The following SYTL5 variants were observed in gnomAD, a reference collection of about 807,000 sequenced individuals.
The protein encoded by SYTL5 is synaptotagmin-like protein 5.
Under a neutral mutation model 55.9 loss-of-function variants are expected in SYTL5, and 34 were observed. That is an observed-to-expected ratio of 0.61 (90% confidence interval 0.46 to 0.81). SYTL5 has a LOEUF of 0.81. SYTL5 is among the 30% of genes least tolerant of loss of function. The probability of loss-of-function intolerance (pLI) is 0.00; values close to 1 mark genes in which losing one functional copy is unlikely to be tolerated. For synonymous variants in SYTL5, 221 were observed against 188.7 expected (o/e 1.17, Z -1.40); for missense variants, 637 against 546.7 (o/e 1.17, Z -1.65).
At chrX:37,938,395 G>C in the SYTL5 span, among the ~76,000 whole-genome samples, 1 of 112,043 alleles carries the variant, frequency 8.9e-6, no homozygotes, top group African/African-American at 3.2e-5. Flanking sequence ...ATCAACTTGT[G>C]GCTGGCTTTA....
intron 1 of SYTL5, among the ~76,000 whole-genome samples, chrX:38,024,253 T>C (rs887396507): frequency 2.7e-5 from 3 of 109,609 alleles, no homozygotes; most frequent in African/African-American, 1.0e-4. Flanking sequence ...GTTCTGGTGA[T>C]AGTGAATAAG....
chrX:38,035,475 C>T (rs1338049944), intron 2 of SYTL5, among the ~76,000 whole-genome samples: 1 of 110,328 alleles, frequency 9.1e-6, no homozygotes, highest in Non-Finnish European at 1.9e-5. Context: ...CCTGTAGTCC[C>T]AGCTACTCAG....
chrX:38,117,110 G>A (rs766044567), intron 13 of SYTL5, among the ~76,000 whole-genome samples: 7 of 112,119 alleles, frequency 6.2e-5, no homozygotes, highest in Non-Finnish European at 1.3e-4. Flanking sequence ...CTGAGTAATA[G>A]TGGGTTGGAT....
At position 38,076,653 on chromosome X, in the gene SYTL5, T is replaced by TA. The variant is rs769879135; in HGVS notation, c.642dup (p.Asp215ArgfsTer26). On this transcript the variant is annotated frameshift_variant, in exon 6 of 17. Transcript: ENST00000297875. LOFTEE classifies it high-confidence loss of function. ...ACTGGGCGGAGCTATAGCTTGGACT[T>TA]AGACGGTCAACATTTTCGGAGTTTA... 9 of 1,209,229 alleles carry TA rather than the reference T, an allele frequency of 7.4e-6. No homozygotes were observed. Among genetic ancestry groups the TA allele is most frequent in the Non-Finnish European group, 1.0e-5 (9 of 894,655 alleles).
At chrX:37,947,610 A>G in the SYTL5 span, among the ~76,000 whole-genome samples, 2 of 111,952 alleles carry the variant, frequency 1.8e-5, no homozygotes, top group Non-Finnish European at 3.8e-5. Flanking sequence ...AAAATGGACT[A>G]ATACACCATC....
upstream of SYTL5, among the ~76,000 whole-genome samples, chrX:38,006,422 C>T (rs1465358100): frequency 3.6e-5 from 4 of 111,757 alleles, no homozygotes; most frequent in Non-Finnish European, 7.6e-5. Context: ...TCAACAGAGA[C>T]ATTCCTTTTT....
At chrX:38,094,803 A>C (rs948007125) in intron 8 of SYTL5, among the ~76,000 whole-genome samples, 1 of 111,857 alleles carries the variant, frequency 8.9e-6, no homozygotes, top group African/African-American at 3.2e-5. Context: ...TAGTAGTCAG[A>C]AGTTCCCTAC....
At chrX:38,017,425 T>C (rs760055926) in intron 1 of SYTL5, among the ~76,000 whole-genome samples, 3 of 111,217 alleles carry the variant, frequency 2.7e-5, no homozygotes, top group Non-Finnish European at 5.7e-5. Context: ...TACTTGATTG[T>C]TTAGTTGAAA....
At chrX:37,983,392 A>T in the SYTL5 span, among the ~76,000 whole-genome samples, 2 of 112,259 alleles carry the variant, frequency 1.8e-5, no homozygotes, top group African/African-American at 6.5e-5. Context: ...TATTAATGTC[A>T]TAGAAAACAT....
At chrX:38,088,832 T>C (rs1936723357) in intron 6 of SYTL5, among the ~76,000 whole-genome samples, 1 of 112,483 alleles carries the variant, frequency 8.9e-6, no homozygotes, top group South Asian at 3.7e-4. Context: ...GCATGGACTC[T>C]GTTCCCAAGG....
At position 38,125,331 on chromosome X, in the gene SYTL5, G is replaced by T; in HGVS notation, c.1875G>T (p.Lys625Asn). 8.3e-7 allele frequency: 1 copy of T among 1,211,546 alleles called. No individual in the cohort carries two copies. Among genetic ancestry groups the T allele is most frequent in the South Asian group, 1.8e-5 (1 of 56,954 alleles). ...TCCCTGATGATAGCAAAGCCACCAAGCACAAAACTCTGGTAATAAAAAAGA... is the reference window on the plus strand; with the variant it reads ...TCCCTGATGATAGCAAAGCCACCAATCACAAAACTCTGGTAATAAAAAAGA... ...YLLPDDSKATKHKTLVIKKSV... is the reference protein window; with the variant it reads ...YLLPDDSKATNHKTLVIKKSV... Residue 625 changes from lysine to asparagine, a missense_variant, in exon 16 of 17, where the codon AAG becomes AAT. Lys to Asn is a moderately conservative substitution (Grantham distance 94). Coordinates refer to ENST00000297875, the MANE Select transcript of SYTL5 (RefSeq NM_138780.3).
the SYTL5 span, among the ~76,000 whole-genome samples, chrX:37,935,681 T>G: frequency 1.8e-3 from 197 of 112,163 alleles, 4 homozygotes; most frequent in Admixed American, 0.018. Flanking sequence ...TTGAGCCAGT[T>G]TGTTTTAAGT....
At chrX:37,996,203 G>A in the SYTL5 span, among the ~76,000 whole-genome samples, 1 of 111,744 alleles carries the variant, frequency 8.9e-6, no homozygotes, top group Non-Finnish European at 1.9e-5. Context: ...GGGTTTCAGA[G>A]GAATCGTGGG....
chrX:38,037,824 AG>A (rs768069545), intron 2 of SYTL5, among the ~76,000 whole-genome samples: 3 of 79,501 alleles, frequency 3.8e-5, no homozygotes, highest in Non-Finnish European at 9.5e-5. Flanking sequence ...ATAGATAGAT[AG>A]ATAGATAGAT....
At chrX:38,053,707 A>C (rs1410367712) in intron 2 of SYTL5, among the ~76,000 whole-genome samples, 1 of 111,951 alleles carries the variant, frequency 8.9e-6, no homozygotes, top group African/African-American at 3.2e-5. Flanking sequence ...TCCTGCCTCA[A>C]GTAGTATATA....
intron 2 of SYTL5, among the ~76,000 whole-genome samples, chrX:38,046,007 T>A (rs1034527848): frequency 1.8e-5 from 2 of 111,733 alleles, no homozygotes; most frequent in African/African-American, 6.5e-5. Context: ...GAAACAACAG[T>A]CATGAATAAA....
At chrX:38,101,573 G>A (rs986700479) in intron 9 of SYTL5, among the ~76,000 whole-genome samples, 6 of 110,128 alleles carry the variant, frequency 5.4e-5, no homozygotes, top group African/African-American at 2.0e-4. Context: ...GGAAGGAGGA[G>A]AGGAGAAGCA....
chrX:37,923,216 C>G, the SYTL5 span, among the ~76,000 whole-genome samples: 1 of 112,150 alleles, frequency 8.9e-6, no homozygotes, highest in Non-Finnish European at 1.9e-5. Context: ...TTCTTTTCCT[C>G]TATGCCAGAA....
At chrX:37,963,288 GGT>G in the SYTL5 span, among the ~76,000 whole-genome samples, 2 of 86,260 alleles carry the variant, frequency 2.3e-5, no homozygotes, top group Admixed American at 2.9e-4. Context: ...TGTTTTTGTG[GGT>G]TTTTTTTTTT....
Sources: allele counts gnomAD v4.1 joint callset (sites outside exome capture counted in the v4.1 genomes callset), GRCh38; gene constraint gnomAD v4.1.1; transcripts MANE v1.5; gene names NCBI Gene and HGNC (gene_info 2026-07-23, HGNC 2026-07-21).